The following TAF1 variants were observed in gnomAD, a reference collection of about 807,000 sequenced individuals.
TAF1 encodes the protein transcription initiation factor TFIID subunit 1.
In TAF1, 2 loss-of-function variants were observed where a neutral mutation model predicts 138.5. The observed-to-expected ratio is 0.01, with a 90% CI of 0.01 to 0.05. TAF1 has a LOEUF of 0.05. TAF1 is among the 10% of genes least tolerant of loss of function. The pLI, the probability that TAF1 is intolerant of heterozygous loss-of-function variation, is 1.00. For missense variants in TAF1, 709 were observed against 1,478.0 expected (o/e 0.48, Z 8.53); for synonymous variants, 437 against 503.2 (o/e 0.87, Z 1.76).
intron 33 of TAF1, 83 bp from the exon 34 acceptor site, chrX:71,454,654 AAGAT>A (rs913119549): frequency 2.0e-5 from 15 of 755,606 alleles, no homozygotes; most frequent in Non-Finnish European, 2.9e-5. Flanking sequence ...AAGCTCCATG[AAGAT>A]AGATATTTTT....
At chrX:71,451,766 C>T (rs1368960293) in intron 32 of TAF1, among the ~76,000 whole-genome samples, 1 of 110,658 alleles carries the variant, frequency 9.0e-6, no homozygotes, top group Non-Finnish European at 1.9e-5. Flanking sequence ...GGACACAGCA[C>T]ATGTTTCAGA....
At chrX:71,394,972 C>T (rs1229496678) in intron 22 of TAF1, among the ~76,000 whole-genome samples, 2 of 112,613 alleles carry the variant, frequency 1.8e-5, no homozygotes, top group African/African-American at 6.4e-5. Context: ...GTTGGCATTA[C>T]AGGCGTGAGC....
chrX:71,508,206 T>A (rs1408997581), intron 13 of TAF1, among the ~76,000 whole-genome samples: 1 of 106,990 alleles, frequency 9.3e-6, no homozygotes, highest in Non-Finnish European at 1.9e-5. Flanking sequence ...TTGTGGTATA[T>A]GCGATGATAG....
chrX:71,424,696 C>T (rs2036516064), intron 32 of TAF1, among the ~76,000 whole-genome samples: 1 of 112,177 alleles, frequency 8.9e-6, no homozygotes, highest in Admixed American at 9.4e-5. Flanking sequence ...GATCTCGGCT[C>T]ACTGCAACCT....
Position 71,459,420 on chromosome X carries a change from ATTACT to A in TAF1, c.5065-130_5065-126del. ...CTAAACAGTCTATCCACCAAAAATA[ATTACT>A]TAACTTCTTGTGAGGCAGCAAGTGG... On this transcript the variant is annotated intron_variant, in intron 35 of 37. Transcript: ENST00000423759. 2.0e-6 allele frequency: 2 copies of A among 1,011,731 alleles called. 1 individual carries two copies. The highest frequency in any genetic ancestry group is 4.9e-5 in the South Asian group (2 of 40,733). The allele number at this position is 1,011,731 out of a possible 1,213,427, so 83.4% of individuals were successfully genotyped here.
Position 71,397,453 on chromosome X carries a change from G to C in TAF1, c.3607G>C (p.Asp1203His). 1 of 1,211,790 alleles carries C rather than the reference G, an allele frequency of 8.3e-7. No individual in the cohort carries two copies. Among genetic ancestry groups the C allele is most frequent in the Non-Finnish European group, 1.1e-6 (1 of 895,520 alleles). ...CTATGTGCGCATACGGACTACAAAAGATGAGGAATTCATGTGAGTTTGATT... is the reference window on the plus strand; with the variant it reads ...CTATGTGCGCATACGGACTACAAAACATGAGGAATTCATGTGAGTTTGATT... Reference protein sequence around the residue: ...DAYVRIRTTKDEEFIRKFALF... With the variant: ...DAYVRIRTTKHEEFIRKFALF... Residue 1203 changes from aspartate (D) to histidine (H), a missense_variant, in exon 23 of 38, where the codon GAT becomes CAT. Asp to His is a moderately conservative substitution (Grantham distance 81). This residue lies in a region of TAF1 where 21 missense variants were observed against 101.3 expected (regional missense o/e 0.21). Coordinates refer to ENST00000423759, the MANE Select transcript of TAF1 (RefSeq NM_004606.5).
intron 28 of TAF1, chrX:71,420,152 AC>A: frequency 3.9e-6 from 2 of 514,159 alleles, no homozygotes. Context: ...TGCTGTTAAA[AC>A]CACTGTGGAA....
intron 32 of TAF1, among the ~76,000 whole-genome samples, chrX:71,439,629 T>A (rs2037313777): frequency 8.9e-6 from 1 of 112,256 alleles, no homozygotes; most frequent in Non-Finnish European, 1.9e-5. Flanking sequence ...CAAAACGTGT[T>A]TACTTATTAC....
intron 22 of TAF1, among the ~76,000 whole-genome samples, chrX:71,395,561 C>G (rs1388805857): frequency 9.0e-6 from 1 of 111,046 alleles, no homozygotes; most frequent in Non-Finnish European, 1.9e-5. Flanking sequence ...CTTTGACACC[C>G]TTGAAGTATA....
chrX:71,434,804 G>C (rs2037059686), intron 32 of TAF1, among the ~76,000 whole-genome samples: 1 of 112,433 alleles, frequency 8.9e-6, no homozygotes, highest in Non-Finnish European at 1.9e-5. Context: ...AGTGGTTGGA[G>C]TTATTTGCAC....
intron 25 of TAF1, among the ~76,000 whole-genome samples, chrX:71,402,509 G>T (rs1050524255): frequency 4.1e-4 from 46 of 112,199 alleles, no homozygotes; most frequent in Admixed American, 2.9e-3. Flanking sequence ...CAAGCGTTGG[G>T]ATTACAGGCG....
At chrX:71,508,524 G>A (rs975983060) in intron 13 of TAF1, among the ~76,000 whole-genome samples, 5 of 103,776 alleles carry the variant, frequency 4.8e-5, no homozygotes, top group East Asian at 3.1e-4. Context: ...AGGATTGCTT[G>A]AGCCCAGGAG....
chrX:71,429,065 G>A (rs2036741588), intron 32 of TAF1, among the ~76,000 whole-genome samples: 1 of 111,052 alleles, frequency 9.0e-6, no homozygotes, highest in African/African-American at 3.3e-5. Flanking sequence ...CACAAGGTCA[G>A]GAGATCGAAA....
chrX:71,408,554 A>G (rs2035594199), intron 28 of TAF1, among the ~76,000 whole-genome samples: 1 of 111,285 alleles, frequency 9.0e-6, no homozygotes, highest in African/African-American at 3.3e-5. Flanking sequence ...TGACTTCGTC[A>G]TCCACCCGCC....
chrX:71,424,111 C>CTG (rs200830306), intron 31 of TAF1, 43 bp from the exon 32 acceptor site: 18 of 1,185,283 alleles, frequency 1.5e-5, no homozygotes, highest in South Asian at 3.6e-5. Flanking sequence ...AATCAAGTGA[C>CTG]TGTGTGTGTG....
chrX:71,395,771 G>C (rs2034812111), intron 22 of TAF1, among the ~76,000 whole-genome samples: 1 of 111,351 alleles, frequency 9.0e-6, no homozygotes, highest in African/African-American at 3.3e-5. Flanking sequence ...GGTCATCTAT[G>C]TTTTCTAGTA....
At chrX:71,486,040 A>G (rs1291443072) in intron 13 of TAF1, among the ~76,000 whole-genome samples, 1 of 108,513 alleles carries the variant, frequency 9.2e-6, no homozygotes, top group Admixed American at 1.0e-4. Flanking sequence ...CAGTCGTGTA[A>G]TCTCTGCTCA....
chrX:71,397,223 G>A (rs373797793), intron 22 of TAF1, 30 bp from the exon 23 acceptor site: 34 of 1,194,445 alleles, frequency 2.8e-5, no homozygotes, highest in South Asian at 2.0e-4. Context: ...TAAGGGGAAC[G>A]TTTGGAAATC....
rs752959243 is a variant in TAF1, at chrX:71,366,637, C to T, written c.120+143C>T. On this transcript the variant is annotated intron_variant, in intron 1 of 37. Transcript: ENST00000423759. ...GAGGAGGATCCCGTCCTCATGGGTG[C>T]GGGAGCAACGTGGCGTGGGAGTGAT... is the stretch of plus-strand genomic sequence containing the variant. 2,775 of 626,754 alleles carry T rather than the reference C, an allele frequency of 4.4e-3. 7 individuals carry two copies. Among genetic ancestry groups the T allele is most frequent in the Middle Eastern group, 0.019 (35 of 1,878 alleles). 51.7% of individuals were successfully genotyped at this position (626,754 alleles called of 1,213,427 possible).
Sources: gnomAD v4.1 joint callset for allele counts (sites outside exome capture counted in the v4.1 genomes callset) on GRCh38, gnomAD v4.1.1 for gene constraint, gnomAD v4.1.1 regional missense constraint, MANE v1.5 for transcripts, NCBI Gene and HGNC (gene_info 2026-07-23, HGNC 2026-07-21) for gene names.